The following RYR2 variants were observed in gnomAD, a reference collection of about 807,000 sequenced individuals.
RYR2 encodes ryanodine receptor 2.
In RYR2, 227 loss-of-function variants were observed where a neutral mutation model predicts 601.1. That is an observed-to-expected ratio of 0.38 (90% CI 0.34 to 0.42). The LOEUF is 0.42. Ranked by LOEUF, RYR2 falls within the 10% of genes least tolerant of loss-of-function variation. RYR2 has a pLI of 1.00. For missense variants in RYR2, 4,646 were observed against 6,156.5 expected, an observed-to-expected ratio of 0.75 and a Z score of 8.21; for synonymous variants, 2,223 against 2,175.1, an observed-to-expected ratio of 1.02 and a Z score of -0.61.
chr1:237,328,614 AC>A (rs1233477058), intron 2 of RYR2, among the ~76,000 whole-genome samples: 6 of 151,934 alleles, frequency 3.9e-5, no homozygotes, highest in African/African-American at 7.2e-5. Flanking sequence ...AAAAAAAAAA[AC>A]AAAACAGAAC....
chr1:237,648,874 G>T (rs1242626484), intron 49 of RYR2, among the ~76,000 whole-genome samples: 2 of 152,176 alleles, frequency 1.3e-5, no homozygotes, highest in Non-Finnish European at 2.9e-5. Context: ...TGCTATATGG[G>T]ATTCAATAAG....
chr1:237,561,362 G>A (rs965825043), intron 27 of RYR2, among the ~76,000 whole-genome samples: 6 of 152,146 alleles, frequency 3.9e-5, no homozygotes, highest in Admixed American at 2.6e-4. Context: ...AAAGACATAA[G>A]AAGAAAGATT....
At position 237,589,845 on chromosome 1, in the gene RYR2, T is replaced by C. The variant is rs1457496964; in HGVS notation, c.3651T>C (p.Phe1217=). The C allele has an allele frequency of 1.2e-6, 2 of 1,613,926 alleles. No homozygotes were observed. The highest frequency in any genetic ancestry group is 1.3e-5 in the African/African-American group (1 of 75,026). The change falls in exon 30 of 105, where the codon TTT becomes TTC. Residue 1217 remains phenylalanine (F), a synonymous_variant. Coordinates refer to ENST00000366574, the MANE Select transcript of RYR2 (RefSeq NM_001035.3). ...TGGCTCAAGTGGGTAGGATGAACTT[T>C]GGAAAGGATGTCAGCACCTTGAAAT... is the stretch of plus-strand genomic sequence containing the variant. ...LGVAQVGRMN[F]GKDVSTLKYF... is the part of the protein sequence containing the mutation.
intron 62 of RYR2, among the ~76,000 whole-genome samples, chr1:237,684,663 T>C (rs1319187013): frequency 2.0e-5 from 3 of 152,092 alleles, no homozygotes; most frequent in Non-Finnish European, 4.4e-5. Flanking sequence ...GAGTATAAGG[T>C]ACCCGCAGGT....
intron 76 of RYR2, 137 bp from the exon 77 acceptor site, chr1:237,730,120 CAGG>C: frequency 3.4e-6 from 2 of 581,118 alleles, no homozygotes; most frequent in Admixed American, 5.5e-5. Flanking sequence ...CATTGTCTTT[CAGG>C]AGGAGAGTCA....
At chr1:237,579,248 CTTTTTTTTTTTTTTTT>C (rs546960253) in intron 29 of RYR2, among the ~76,000 whole-genome samples, 1 of 68,094 alleles carries the variant, frequency 1.5e-5, no homozygotes, top group Non-Finnish European at 3.0e-5. Flanking sequence ...TCTTCTTCTT[CTTTTTTTTTTTTTTTT>C]TTTTTTTTTG....
At chr1:237,132,964 C>A (rs1363771106) in intron 1 of RYR2, among the ~76,000 whole-genome samples, 1 of 151,938 alleles carries the variant, frequency 6.6e-6, no homozygotes, top group African/African-American at 2.4e-5. Flanking sequence ...GGTTTTTTGT[C>A]AAGCAAGTAA....
At chr1:237,251,965 T>A (rs534998976) in intron 1 of RYR2, among the ~76,000 whole-genome samples, 14 of 152,070 alleles carry the variant, frequency 9.2e-5, no homozygotes, top group East Asian at 5.8e-4. Context: ...ATTCCATTTT[T>A]AAAAAAAATA....
intron 35 of RYR2, among the ~76,000 whole-genome samples, chr1:237,608,660 G>A (rs902194283): frequency 2.6e-5 from 4 of 152,050 alleles, no homozygotes; most frequent in Non-Finnish European, 4.4e-5. Context: ...CCGTGATTGC[G>A]CTGCTGCACT....
At chr1:237,759,950 G>A (rs575255799) in intron 83 of RYR2, 98 bp downstream of exon 83, 1 of 767,940 alleles carries the variant, frequency 1.3e-6, no homozygotes, top group Non-Finnish European at 2.3e-6. Context: ...TAGAAGAATA[G>A]TTAATGATTA....
intron 96 of RYR2, among the ~76,000 whole-genome samples, chr1:237,796,570 A>G (rs12039289): frequency 0.026 from 3,903 of 152,226 alleles, 71 homozygotes; most frequent in East Asian, 0.047. Flanking sequence ...GAAAAAGCCA[A>G]TTTTTATATC....
chr1:237,349,267 A>G (rs550548744), intron 3 of RYR2, among the ~76,000 whole-genome samples: 4 of 152,328 alleles, frequency 2.6e-5, no homozygotes, highest in East Asian at 1.9e-4. Context: ...CACATTAGAA[A>G]AAGTTGAATC....
chr1:237,747,897 C>T (rs1015091096), intron 80 of RYR2, among the ~76,000 whole-genome samples: 3 of 152,050 alleles, frequency 2.0e-5, no homozygotes, highest in African/African-American at 4.8e-5. Flanking sequence ...TGGACTAAAG[C>T]ATTAAGAGTT....
intron 48 of RYR2, among the ~76,000 whole-genome samples, chr1:237,645,390 C>T (rs749449955): frequency 1.6e-4 from 25 of 152,234 alleles, no homozygotes; most frequent in Non-Finnish European, 3.1e-4. Flanking sequence ...TCTTCCTTTG[C>T]TGTCTCTGTA....
intron 100 of RYR2, among the ~76,000 whole-genome samples, chr1:237,817,544 A>G (rs544715595): frequency 6.6e-6 from 1 of 152,340 alleles, no homozygotes; most frequent in South Asian, 2.1e-4. Context: ...ACCAAAAAAT[A>G]AGCAAGCTGG....
rs368673631 is a variant in RYR2 at position 237,650,072 on chromosome 1, G to A, written c.7708G>A (p.Glu2570Lys). 9.9e-6 allele frequency: 16 copies of A among 1,613,858 alleles called. No individual in the cohort carries two copies. Among genetic ancestry groups the A allele is most frequent in the Non-Finnish European group, 1.4e-5 (16 of 1,179,884 alleles). ...TACCAAAGCTCAGCGGGATTCCATA[G>A]AAGTTTGTTTACTCTCTATTTGTGG... ...SLTKAQRDSI[E>K]VCLLSICGQL... is the part of the protein sequence containing the mutation. Residue 2570 changes from glutamate to lysine, a missense_variant, in exon 50 of 105, where the codon GAA becomes AAA. Glu to Lys is a moderately conservative substitution (Grantham distance 56, BLOSUM62 1). Coordinates refer to ENST00000366574, the MANE Select transcript of RYR2 (RefSeq NM_001035.3).
In RYR2 at chr1:237,610,771, C is replaced by T; in HGVS notation, c.4693C>T (p.Pro1565Ser). 2 of 1,603,168 alleles carry T rather than the reference C, an allele frequency of 1.2e-6. No individual in the cohort carries two copies. The highest frequency in any genetic ancestry group is 1.7e-6 in the Non-Finnish European group (2 of 1,174,896). ...FELGRIKNVM[P>S]LSAGLFKSEH... Reference sequence around the variant, plus strand: ...CCTCCCCATCCGCTAGAATGTGATGCCTCTCTCGGCGGGATTATTCAAGAG... The same window carrying T: ...CCTCCCCATCCGCTAGAATGTGATGTCTCTCTCGGCGGGATTATTCAAGAG... The change falls in exon 36 of 105, where the codon CCT (proline) becomes TCT (serine). Residue 1565 changes from proline to serine, a missense_variant. Physicochemically the swap from Pro to Ser is moderately conservative, Grantham distance 74. This residue lies in a region of RYR2 where 1,807 missense variants were observed against 2,088.1 expected (regional missense o/e 0.87). Transcript: ENST00000366574. The surrounding 1 kb of genome is among the most constrained non-coding windows in gnomAD (Gnocchi z 4.9).
intron 3 of RYR2, among the ~76,000 whole-genome samples, chr1:237,338,282 G>A (rs149218056): frequency 3.0e-4 from 46 of 152,194 alleles, no homozygotes; most frequent in African/African-American, 1.1e-3. Flanking sequence ...CGATCAATAG[G>A]AATTTCAGTC....
At chr1:237,728,186 C>T (rs1194716916) in intron 76 of RYR2, among the ~76,000 whole-genome samples, 1 of 151,466 alleles carries the variant, frequency 6.6e-6, no homozygotes, top group African/African-American at 2.4e-5. Flanking sequence ...ATGTATAAGG[C>T]AAAGAAAAAA....
Sources: allele counts gnomAD v4.1 joint callset (sites outside exome capture counted in the v4.1 genomes callset), GRCh38; gene constraint gnomAD v4.1.1; regional missense constraint gnomAD v4.1.1; non-coding constraint Gnocchi (gnomAD v3.1); transcripts MANE v1.5; gene names NCBI Gene and HGNC (gene_info 2026-07-23, HGNC 2026-07-21).